The following SORT1 variants were observed in gnomAD, a reference collection of about 807,000 sequenced individuals.
SORT1 encodes the protein sortilin 1.
SORT1 carries 39 observed loss-of-function variants against 101.7 expected under a neutral mutation model. The observed-to-expected ratio is 0.38, with a 90% CI of 0.30 to 0.50. The LOEUF (loss-of-function observed/expected upper bound fraction) is 0.50. Among genes scored for constraint, SORT1 ranks in the 20% least tolerant of loss-of-function variants. The pLI is 0.90. For synonymous variants in SORT1, 396 were observed against 393.7 expected (o/e 1.01, Z -0.07); for missense variants, 878 against 1,040.4 (o/e 0.84, Z 2.15).
intron 13 of SORT1, among the ~76,000 whole-genome samples, chr1:109,326,050 ACTT>A (rs1430052210): frequency 7.4e-5 from 11 of 149,200 alleles, no homozygotes; most frequent in East Asian, 2.0e-4. Context: ...AAGAACTTAT[ACTT>A]CTTTTTTTTT....
At chr1:109,365,047 C>T (rs1650989076) in intron 3 of SORT1, among the ~76,000 whole-genome samples, 1 of 152,160 alleles carries the variant, frequency 6.6e-6, no homozygotes, top group Non-Finnish European at 1.5e-5. Flanking sequence ...CAATACTCTA[C>T]AATTATATGA....
chr1:109,394,344 G>GA (rs1478071181), intron 1 of SORT1, among the ~76,000 whole-genome samples: 2 of 151,970 alleles, frequency 1.3e-5, no homozygotes, highest in African/African-American at 2.4e-5. Flanking sequence ...ACTTCTATGT[G>GA]AAAAAATATA....
chr1:109,340,935 A>C, intron 9 of SORT1, 56 bp from the exon 10 acceptor site: 1 of 1,413,186 alleles, frequency 7.1e-7, no homozygotes, highest in East Asian at 2.5e-5. Flanking sequence ...AAAGAGAAAA[A>C]CAATAGTCTA....
intron 1 of SORT1, among the ~76,000 whole-genome samples, chr1:109,390,752 A>AGTGT (rs749381586): frequency 5.0e-4 from 72 of 144,510 alleles, no homozygotes; most frequent in African/African-American, 1.5e-3. Context: ...AATATTAGAA[A>AGTGT]GTGTGTGTGT....
In SORT1 at chr1:109,327,070, G is replaced by C. The variant is rs1197043612; in HGVS notation, c.1565C>G (p.Pro522Arg). Residue 522 changes from proline to arginine, a missense_variant, in exon 13 of 20, where the codon CCC (proline) becomes CGC (arginine). Around this residue, in one of 2 missense-constraint regions of SORT1, gnomAD observed 684 missense variants for 894.5 expected, o/e 0.76. Coordinates refer to ENST00000256637, the MANE Select transcript of SORT1 (RefSeq NM_002959.7). ...AGAATCCAGGATGGTGTAATAGTGG[G>C]GTCCTTCCAGCATCTTTGTCCAGGA... ...GYSWTKMLEG[P>R]HYYTILDSGG... 6.2e-7 allele frequency: 1 copy of C among 1,612,856 alleles called. No homozygotes were observed. The highest frequency in any genetic ancestry group is 1.7e-5 in the Admixed American group (1 of 59,990).
intron 1 of SORT1, among the ~76,000 whole-genome samples, chr1:109,388,076 A>G (rs561234969): frequency 1.3e-4 from 19 of 151,688 alleles, no homozygotes; most frequent in Non-Finnish European, 2.6e-4. Context: ...TTCCTTTTAG[A>G]TATGGGACCT....
chr1:109,358,337 C>T (rs1033595011), intron 3 of SORT1, among the ~76,000 whole-genome samples: 1 of 152,114 alleles, frequency 6.6e-6, no homozygotes, highest in African/African-American at 2.4e-5. Context: ...TGGTCTCAAA[C>T]TCCTGGCCTC....
At chr1:109,351,576 C>A (rs1482718512) in intron 5 of SORT1, among the ~76,000 whole-genome samples, 1 of 152,188 alleles carries the variant, frequency 6.6e-6, no homozygotes, top group Admixed American at 6.5e-5. Context: ...TCAGGCATTA[C>A]CTGAGTGCAA....
chr1:109,338,381 T>C (rs1246921693), intron 10 of SORT1, among the ~76,000 whole-genome samples: 2 of 152,174 alleles, frequency 1.3e-5, no homozygotes, highest in African/African-American at 4.8e-5. Flanking sequence ...CAGGACTTTG[T>C]AGGCCACTGC....
intron 5 of SORT1, among the ~76,000 whole-genome samples, chr1:109,352,288 A>G (rs536900335): frequency 6.6e-6 from 1 of 152,260 alleles, no homozygotes; most frequent in South Asian, 2.1e-4. Flanking sequence ...GGTGGTAGCT[A>G]AATGGTAAGA....
intron 1 of SORT1, among the ~76,000 whole-genome samples, chr1:109,396,205 G>A (rs1490472726): frequency 6.6e-6 from 1 of 152,166 alleles, no homozygotes; most frequent in Non-Finnish European, 1.5e-5. Context: ...AGAAAAACAG[G>A]AGTAAATCTA....
intron 3 of SORT1, among the ~76,000 whole-genome samples, chr1:109,361,350 CCAA>C (rs761931781): frequency 1.2e-4 from 18 of 152,322 alleles, no homozygotes; most frequent in East Asian, 5.8e-4. Context: ...TCTCTACTGT[CCAA>C]CAACAAGTTC....
intron 12 of SORT1, 93 bp from the exon 13 acceptor site, chr1:109,327,253 G>C (rs570306804): frequency 2.6e-6 from 3 of 1,132,906 alleles, no homozygotes; most frequent in Non-Finnish European, 1.3e-6. Context: ...AATTTATTCT[G>C]ATTATTTCCC....
At chr1:109,326,460 TATATACATAC>T (rs765572149) in intron 13 of SORT1, among the ~76,000 whole-genome samples, 4,911 of 45,676 alleles carry the variant, frequency 0.11, 261 homozygotes, top group East Asian at 0.19. Flanking sequence ...TATATATATA[TATATACATAC>T]ACACACACAC....
At chr1:109,368,016 G>A (rs1651204329) in intron 2 of SORT1, among the ~76,000 whole-genome samples, 1 of 152,104 alleles carries the variant, frequency 6.6e-6, no homozygotes, top group Admixed American at 6.6e-5. Flanking sequence ...GGAGATGGCT[G>A]GGCACGGTGG....
At chr1:109,397,273 G>A (rs1035250038) in intron 1 of SORT1, 1 of 152,900 alleles carries the variant, frequency 6.5e-6, no homozygotes, top group Admixed American at 6.5e-5. Context: ...CCTTCCTGGG[G>A]CCTAACAGCG....
chr1:109,359,338 G>A (rs148589700), intron 3 of SORT1, among the ~76,000 whole-genome samples: 2,622 of 152,086 alleles, frequency 0.017, 41 homozygotes, highest in Middle Eastern at 0.034. Context: ...CATCGCACTA[G>A]GGGTTAAAAT....
chr1:109,380,289 T>G (rs1652135099), intron 1 of SORT1, among the ~76,000 whole-genome samples: 1 of 152,062 alleles, frequency 6.6e-6, no homozygotes, highest in Admixed American at 6.6e-5. Context: ...TGGGACCCTG[T>G]GTCAAAAAAT....
At chr1:109,336,824 A>C (rs1390742856) in intron 10 of SORT1, among the ~76,000 whole-genome samples, 1 of 152,058 alleles carries the variant, frequency 6.6e-6, no homozygotes, top group East Asian at 1.9e-4. Context: ...AAAAAAAAAA[A>C]AAAAGATATT....
Sources: allele counts gnomAD v4.1 joint callset (sites outside exome capture counted in the v4.1 genomes callset), GRCh38; gene constraint gnomAD v4.1.1; regional missense constraint gnomAD v4.1.1; transcripts MANE v1.5; gene names NCBI Gene and HGNC (gene_info 2026-07-23, HGNC 2026-07-21).